Variants in EBF4 observed in about 807,000 individuals in gnomAD.
The protein encoded by EBF4 is EBF transcription factor 4, also known as transcription factor COE4.
A neutral mutation model predicts 67.1 loss-of-function variants in EBF4; 34 were observed. The ratio of observed to expected loss-of-function variants is 0.51; its 90% CI spans 0.39 to 0.67. The LOEUF is 0.67. Ranked by LOEUF, EBF4 falls within the 30% of genes least tolerant of loss-of-function variation. EBF4 has a pLI of 0.00. For synonymous variants in EBF4, 387 were observed against 377.7 expected (o/e 1.02, Z -0.29); for missense variants, 837 against 873.3 (o/e 0.96, Z 0.52).
chr20:2,732,738 T>C (rs1300413768), intron 6 of EBF4, among the ~76,000 whole-genome samples: 1 of 152,218 alleles, frequency 6.6e-6, no homozygotes. Flanking sequence ...CATCCATTTA[T>C]ATTTAATGTA....
chr20:2,704,972 T>G (rs2146381267), intron 1 of EBF4, among the ~76,000 whole-genome samples: 1 of 152,366 alleles, frequency 6.6e-6, no homozygotes, highest in East Asian at 1.9e-4. Context: ...CCTGTGGTTG[T>G]CTCTCCCAAA....
At chr20:2,758,599 C>T (rs1019688061) in intron 15 of EBF4, among the ~76,000 whole-genome samples, 4 of 152,146 alleles carry the variant, frequency 2.6e-5, no homozygotes, top group Non-Finnish European at 4.4e-5. Flanking sequence ...CCTTTTCTGC[C>T]CTGGTACATG....
rs1470644153 is a variant in EBF4, at chr20:2,756,293, C to T, written c.1738+469C>T. ...AGAGGCTTAGCCCAGCTTCCCTCCC[C>T]GCATTTTACAGATTAGGACTTGAGA... On this transcript the variant is annotated intron_variant, in intron 15 of 16. Transcript: ENST00000609451. This position sits in a 1 kb window ranked among gnomAD's most constrained non-coding sequence, Gnocchi z 4.5. Among the ~76,000 whole-genome samples the T allele has an allele frequency of 4.6e-5, 7 of 152,362 alleles. No homozygotes were observed. In the East Asian group the frequency reaches 7.7e-4, roughly 17 times the overall value.
At chr20:2,709,575 C>G in exon 6 of EBF4, 2 of 1,552,834 alleles carry the variant, frequency 1.3e-6, no homozygotes, top group Non-Finnish European at 1.7e-6. Context: ...TTCCTTCAGC[C>G]GGTGCTGTGA....
Position 2,693,660 on chromosome 20 carries a change from G to T in EBF4, c.15G>T (p.Gln5His). 6.9e-7 allele frequency: 1 copy of T among 1,446,570 alleles called. No homozygotes were observed. The highest frequency in any genetic ancestry group is 9.0e-7 in the Non-Finnish European group (1 of 1,106,502). 89.6% of individuals were successfully genotyped at this position (1,446,570 alleles called of 1,614,324 possible). The stretch of plus-strand genomic sequence containing the variant: ...CGCGCGCCCTCATGTTCCCTGCGCA[G>T]GACGCTCTGCCCCGCAGCGGGCTGA... Residue 5 changes from glutamine to histidine, a missense_variant, in exon 1 of 17, where the codon CAG (glutamine) becomes CAT (histidine). Coordinates refer to ENST00000609451, the Ensembl canonical transcript of EBF4. The surrounding 1 kb of genome is among the most constrained non-coding windows in gnomAD (Gnocchi z 4.6).
At chr20:2,724,092 A>G (rs2146430455) in intron 6 of EBF4, among the ~76,000 whole-genome samples, 1 of 152,356 alleles carries the variant, frequency 6.6e-6, no homozygotes, top group South Asian at 2.1e-4. Context: ...GCTGGTTTAT[A>G]CTGGCTCACA....
rs534518668 is a variant in EBF4 at position 2,745,538 on chromosome 20, G to A, written c.558-3011G>A. 2.0e-5 allele frequency among the ~76,000 whole-genome samples: 3 copies of A among 152,336 alleles called. No individual in the cohort carries two copies. In the East Asian group the frequency reaches 5.8e-4, roughly 29 times the overall value. ...TGGTCCTTGAAACCTAGAGTGGCCA[G>A]AAAATGGTGGCTGTACAGGGCGTGA... On this transcript the variant is annotated intron_variant, in intron 6 of 16. Coordinates refer to ENST00000609451, the Ensembl canonical transcript of EBF4. This position sits in a 1 kb window ranked among gnomAD's most constrained non-coding sequence, Gnocchi z 5.2.
chr20:2,705,663 T>C (rs2087442909), exon 2 of EBF4: 11 of 1,552,638 alleles, frequency 7.1e-6, no homozygotes, highest in East Asian at 2.4e-5. Flanking sequence ...GTGCTGGCCA[T>C]GTACGACCGG....
chr20:2,750,451 C>G (rs923675640), intron 10 of EBF4, among the ~76,000 whole-genome samples: 3 of 152,220 alleles, frequency 2.0e-5, no homozygotes, highest in Admixed American at 6.5e-5. Flanking sequence ...ACACCCCTTG[C>G]ACGACGCCAG....
Position 2,693,653 on chromosome 20 carries a change from C to G in EBF4, c.8C>G (p.Pro3Arg), listed in dbSNP as rs1600191397. The change falls in exon 1 of 17, where the codon CCT becomes CGT. Residue 3 changes from proline (P) to arginine (R), a missense_variant. By Grantham distance (103) the Pro-to-Arg change is moderately radical. Coordinates refer to ENST00000609451, the Ensembl canonical transcript of EBF4. The surrounding 1 kb of genome is among the most constrained non-coding windows in gnomAD (Gnocchi z 4.6). ...CACTCACCGCGCGCCCTCATGTTCCCTGCGCAGGACGCTCTGCCCCGCAGC... is the reference window on the plus strand; with the variant it reads ...CACTCACCGCGCGCCCTCATGTTCCGTGCGCAGGACGCTCTGCCCCGCAGC... The G allele has an allele frequency of 6.9e-7, 1 of 1,440,864 alleles. No homozygotes were observed. The highest frequency in any genetic ancestry group is 2.8e-5 in the Admixed American group (1 of 35,950). The allele number at this position is 1,440,864 out of a possible 1,614,324, so 89.3% of individuals were successfully genotyped here.
rs563137068 is a variant in EBF4 at position 2,752,082 on chromosome 20, G to T, written c.1174-4G>T. ...CCGGCCGTGCCCCGCTCTTGTCTTC[G>T]CAGGAGCTGCTCCTGAAGCGCGCGG... On this transcript the variant is annotated splice_polypyrimidine_tract_variant and splice_region_variant and intron_variant, in intron 12 of 16. Coordinates refer to ENST00000609451, the Ensembl canonical transcript of EBF4. 1.7e-5 allele frequency: 24 copies of T among 1,452,522 alleles called. No individual in the cohort carries two copies. In the East Asian group the frequency reaches 5.5e-4, roughly 33 times the overall value. The allele number at this position is 1,452,522 out of a possible 1,614,324, so 90.0% of individuals were successfully genotyped here.
At chr20:2,694,088 C>G (rs962412783) in intron 1 of EBF4, among the ~76,000 whole-genome samples, 74 of 152,340 alleles carry the variant, frequency 4.9e-4, no homozygotes, top group African/African-American at 1.7e-3. Flanking sequence ...GGCAGAGCTC[C>G]CAGCCATGAC....
chr20:2,702,602 G>A (rs191275815), intron 1 of EBF4, among the ~76,000 whole-genome samples: 3 of 152,320 alleles, frequency 2.0e-5, no homozygotes, highest in Admixed American at 2.0e-4. Context: ...TAACTTGTAT[G>A]TGTAAAACAA....
intron 2 of EBF4, 57 bp from the exon 3 acceptor site, chr20:2,705,917 C>A: frequency 6.5e-7 from 1 of 1,528,612 alleles, no homozygotes; most frequent in Non-Finnish European, 8.8e-7. Context: ...AAGGGGTGGA[C>A]AAGGGAGGCT....
chr20:2,702,285 G>A (rs906952566), intron 1 of EBF4, among the ~76,000 whole-genome samples: 7 of 152,106 alleles, frequency 4.6e-5, no homozygotes, highest in Admixed American at 4.6e-4. Context: ...TTAATTAGCT[G>A]GGCATGGTGG....
intron 6 of EBF4, among the ~76,000 whole-genome samples, chr20:2,731,101 G>A (rs2087808020): frequency 6.6e-6 from 1 of 152,120 alleles, no homozygotes; most frequent in Non-Finnish European, 1.5e-5. Flanking sequence ...GTTTCACCAT[G>A]TTGGTCAGGC....
At chr20:2,749,584 G>A in intron 8 of EBF4, 36 bp from the exon 9 acceptor site, 1 of 1,548,378 alleles carries the variant, frequency 6.5e-7, no homozygotes, top group Non-Finnish European at 8.7e-7. Context: ...CCACCTCAGC[G>A]CGGTCCCCTG....
At chr20:2,702,644 G>C (rs906948008) in intron 1 of EBF4, among the ~76,000 whole-genome samples, 1 of 152,200 alleles carries the variant, frequency 6.6e-6, no homozygotes, top group African/African-American at 2.4e-5. Context: ...GACATCCCAG[G>C]TGTTATGGCT....
At chr20:2,710,548 G>A (rs1238296955) in intron 6 of EBF4, among the ~76,000 whole-genome samples, 2 of 146,274 alleles carry the variant, frequency 1.4e-5, no homozygotes, top group African/African-American at 5.3e-5. Flanking sequence ...CCCCTATGTA[G>A]AGCATACTGT....
Sources: allele counts gnomAD v4.1 joint callset (sites outside exome capture counted in the v4.1 genomes callset), GRCh38; gene constraint gnomAD v4.1.1; non-coding constraint Gnocchi (gnomAD v3.1); transcripts MANE v1.5; gene names NCBI Gene and HGNC (gene_info 2026-07-23, HGNC 2026-07-21).